MPHOSPH6: variants seen among roughly 807,000 people sequenced by gnomAD.
The protein encoded by MPHOSPH6 is M-phase phosphoprotein 6.
In MPHOSPH6, 25 loss-of-function variants were observed where a neutral mutation model predicts 21.8. The ratio of observed to expected loss-of-function variants is 1.15; its 90% confidence interval spans 0.83 to 1.60. MPHOSPH6 has a LOEUF of 1.60. MPHOSPH6 is among the 40% of genes most tolerant of loss of function. MPHOSPH6 has a pLI of 0.00. For synonymous variants in MPHOSPH6, 84 were observed against 56.5 expected (o/e 1.49, Z -2.18); for missense variants, 269 against 181.8 (o/e 1.48, Z -2.76).
rs774271542 is a variant in MPHOSPH6 at position 82,165,119 on chromosome 16, TTATTTTTTTTTTTA to T, written c.52-939_52-926del. 5.8e-4 allele frequency among the ~76,000 whole-genome samples: 31 copies of T among 53,444 alleles called. 5 individuals carry two copies. In the East Asian group the frequency reaches 6.2e-3, roughly 11 times the overall value. The allele number at this position is 53,444 out of a possible 152,430, so 35.1% of individuals were successfully genotyped here. On this transcript the variant is annotated intron_variant, in intron 1 of 4. Transcript: ENST00000258169. ...CTTATTCAGGTCCGATATTTCTTTT[TTATTTTTTTTTTTA>T]TTTTTTTTTTTTGAGACAGAGTCTC...
intron 3 of MPHOSPH6, among the ~76,000 whole-genome samples, chr16:82,150,786 A>G (rs1156688215): frequency 6.6e-6 from 1 of 152,254 alleles, no homozygotes; most frequent in Non-Finnish European, 1.5e-5. Flanking sequence ...ACTGGCTTCA[A>G]GTAATATTTA....
At chr16:82,167,753 G>T (rs1378669411) in intron 1 of MPHOSPH6, among the ~76,000 whole-genome samples, 1 of 152,146 alleles carries the variant, frequency 6.6e-6, no homozygotes, top group African/African-American at 2.4e-5. Context: ...CGGAGCTCAG[G>T]TGGTAATGCA....
intron 1 of MPHOSPH6, among the ~76,000 whole-genome samples, chr16:82,169,766 T>A (rs1284222046): frequency 6.6e-6 from 1 of 152,230 alleles, no homozygotes. Context: ...GGAGTTACAC[T>A]TCCCATATAT....
Position 82,164,119 on chromosome 16 carries a change from G to A in MPHOSPH6, c.127C>T (p.His43Tyr). 6.2e-7 allele frequency: 1 copy of A among 1,612,908 alleles called. No individual in the cohort carries two copies. Among genetic ancestry groups the A allele is most frequent in the East Asian group, 2.2e-5 (1 of 44,856 alleles). The part of the protein sequence containing the change: ...EEEKKIISEE[H>Y]WYLDLPELKE... ...AGCTCTGGCAAATCCAAGTACCAGT[G>A]CTCTTCACTAATGATTTTCTTTTCT... The change falls in exon 2 of 5, where the codon CAC (histidine) becomes TAC (tyrosine). Residue 43 changes from histidine (H) to tyrosine (Y), a missense_variant. Physicochemically the swap from His to Tyr is moderately conservative, Grantham distance 83. Transcript: ENST00000258169.
At chr16:82,168,533 C>T (rs57035666) in intron 1 of MPHOSPH6, among the ~76,000 whole-genome samples, 9,219 of 149,502 alleles carry the variant, frequency 0.062, 502 homozygotes, top group African/African-American at 0.14. Flanking sequence ...TGCAGTGGCG[C>T]CATCTCAGCT....
chr16:82,162,344 T>C (rs1156488935), intron 2 of MPHOSPH6: 1 of 152,234 alleles, frequency 6.6e-6, no homozygotes, highest in African/African-American at 2.4e-5. Context: ...AACAACTCAA[T>C]ACAACACGTA....
chr16:82,150,492 A>G (rs1906230087), intron 3 of MPHOSPH6, among the ~76,000 whole-genome samples: 1 of 152,190 alleles, frequency 6.6e-6, no homozygotes, highest in African/African-American at 2.4e-5. Context: ...AGGAAAACTA[A>G]CCTAGAATCT....
At position 82,148,570 on chromosome 16, in the gene MPHOSPH6, C is replaced by A; in HGVS notation, c.*161G>T. 1.2e-6 allele frequency: 1 copy of A among 856,344 alleles called. No homozygotes were observed. Among genetic ancestry groups the A allele is most frequent in the Non-Finnish European group, 1.7e-6 (1 of 591,498 alleles). 53.0% of individuals were successfully genotyped at this position (856,344 alleles called of 1,614,324 possible). The stretch of plus-strand genomic sequence containing the variant: ...CAAGAAGCAAAGGATGTACAACATC[C>A]ATCACACATCTGTTTCAAAAACAGC... On this transcript the variant is annotated 3_prime_UTR_variant, in exon 5 of 5. Transcript: ENST00000258169.
rs745539698 is a variant in MPHOSPH6, at chr16:82,170,139, G to C, written c.37C>G (p.Leu13Val). The change falls in exon 1 of 5, where the codon CTA becomes GTA. Residue 13 changes from leucine (L) to valine (V), a missense_variant. Physicochemically the swap from Leu to Val is conservative, Grantham distance 32. Coordinates refer to ENST00000258169, the MANE Select transcript of MPHOSPH6 (RefSeq NM_005792.2). The part of the protein sequence containing the change: ...AERKTRLSKN[L>V]LRMKFMQRGL... ...CGTCCCCGCACCTTCATGCGCAGTA[G>C]ATTCTTGGACAACCTTGTCTTTCGC... 9.4e-6 allele frequency: 15 copies of C among 1,594,026 alleles called. No individual in the cohort carries two copies. In the South Asian group the frequency reaches 1.5e-4, roughly 16 times the overall value.
At chr16:82,158,061 C>A (rs981300540) in intron 2 of MPHOSPH6, among the ~76,000 whole-genome samples, 1 of 152,054 alleles carries the variant, frequency 6.6e-6, no homozygotes, top group African/African-American at 2.4e-5. Context: ...ACTGCCAGGC[C>A]CTCACAGTTC....
intron 2 of MPHOSPH6, among the ~76,000 whole-genome samples, chr16:82,160,769 G>GT (rs1484336834): frequency 5.3e-5 from 8 of 152,182 alleles, no homozygotes; most frequent in African/African-American, 1.9e-4. Flanking sequence ...TTGCTGTACA[G>GT]TAAGTCCTTT....
At chr16:82,159,946 T>C (rs1906555212) in intron 2 of MPHOSPH6, among the ~76,000 whole-genome samples, 1 of 152,290 alleles carries the variant, frequency 6.6e-6, no homozygotes, top group Non-Finnish European at 1.5e-5. Context: ...AGGGAGCAGC[T>C]GATGAGACCT....
chr16:82,148,902 A>G (rs1906173658), intron 4 of MPHOSPH6, 39 bp from the exon 5 acceptor site: 2 of 1,609,844 alleles, frequency 1.2e-6, no homozygotes, highest in African/African-American at 2.7e-5. Flanking sequence ...AATTTCAAAT[A>G]AAAAGGTAGG....
intron 2 of MPHOSPH6, among the ~76,000 whole-genome samples, chr16:82,155,993 G>C (rs1906416914): frequency 6.6e-6 from 1 of 151,678 alleles, no homozygotes; most frequent in South Asian, 2.1e-4. Flanking sequence ...CAAAAAGTTA[G>C]AGGCAAACCA....
intron 2 of MPHOSPH6, among the ~76,000 whole-genome samples, chr16:82,155,829 C>T (rs7186070): frequency 0.067 from 10,158 of 151,316 alleles, 643 homozygotes; most frequent in African/African-American, 0.16. Context: ...CGCCTGAACC[C>T]GGGAGGTGGA....
intron 1 of MPHOSPH6, among the ~76,000 whole-genome samples, chr16:82,166,655 G>C (rs1452609232): frequency 7.5e-6 from 1 of 134,000 alleles, no homozygotes; most frequent in African/African-American, 3.3e-5. Context: ...CTCACTCAGT[G>C]AAAGTTCTCT....
Position 82,151,298 on chromosome 16 carries a change from C to G in MPHOSPH6, c.255+126G>C, listed in dbSNP as rs775533246. ...TCTTTAAATAGCTATGGCGATATTT[C>G]AAGACTTGTTATTTTCTATATAATG... On this transcript the variant is annotated intron_variant, in intron 3 of 4. Transcript: ENST00000258169. 1.0e-5 allele frequency: 14 copies of G among 1,355,500 alleles called. No individual in the cohort carries two copies. In the African/African-American group the frequency reaches 2.0e-4, roughly 20 times the overall value. The allele number at this position is 1,355,500 out of a possible 1,614,324, so 84.0% of individuals were successfully genotyped here.
chr16:82,159,491 G>A (rs1433607281), intron 2 of MPHOSPH6, among the ~76,000 whole-genome samples: 5 of 151,898 alleles, frequency 3.3e-5, no homozygotes, highest in Non-Finnish European at 4.4e-5. Flanking sequence ...TGCAACCTCC[G>A]CCTCCTGGAT....
At chr16:82,168,819 C>T (rs1906876112) in intron 1 of MPHOSPH6, among the ~76,000 whole-genome samples, 1 of 152,118 alleles carries the variant, frequency 6.6e-6, no homozygotes, top group Non-Finnish European at 1.5e-5. Flanking sequence ...TTGGAAATTC[C>T]ACCTCTTTAA....
Sources: gnomAD v4.1 joint callset for allele counts (sites outside exome capture counted in the v4.1 genomes callset) on GRCh38, gnomAD v4.1.1 for gene constraint, MANE v1.5 for transcripts, NCBI Gene and HGNC (gene_info 2026-07-23, HGNC 2026-07-21) for gene names.